KIF15: variants seen among roughly 807,000 people sequenced by gnomAD.
The protein encoded by KIF15 is kinesin-like protein KIF15.
Under a neutral mutation model 190.6 loss-of-function variants are expected in KIF15, and 140 were observed. The observed-to-expected ratio is 0.73, with a 90% CI of 0.64 to 0.84. The LOEUF is 0.84. KIF15 is among the 40% of genes least tolerant of loss of function. The pLI is 0.00. For missense variants in KIF15, 1,372 were observed against 1,584.4 expected (o/e 0.87, Z 2.28); for synonymous variants, 528 against 551.3 (o/e 0.96, Z 0.59).
chr3:44,843,728 G>A (rs1698718951), intron 30 of KIF15, among the ~76,000 whole-genome samples: 1 of 152,154 alleles, frequency 6.6e-6, no homozygotes, highest in African/African-American at 2.4e-5. Context: ...TTTTGTAGTT[G>A]CATTTGCCGA....
chr3:44,781,263 G>C (rs1445726431), intron 5 of KIF15, among the ~76,000 whole-genome samples: 2 of 152,162 alleles, frequency 1.3e-5, no homozygotes, highest in Non-Finnish European at 2.9e-5. Flanking sequence ...CCCCTGGAAT[G>C]CCAATTACTC....
intron 20 of KIF15, among the ~76,000 whole-genome samples, chr3:44,824,384 C>G (rs1697531049): frequency 6.6e-6 from 1 of 152,128 alleles, no homozygotes; most frequent in Non-Finnish European, 1.5e-5. Flanking sequence ...GCCTCCACCA[C>G]CCTGTCCCAT....
chr3:44,854,404 A>G (rs1575698053), downstream of KIF15, among the ~76,000 whole-genome samples: 1 of 152,290 alleles, frequency 6.6e-6, no homozygotes, highest in Non-Finnish European at 1.5e-5. Context: ...TATACATTCA[A>G]AATGGGTGAA....
At chr3:44,834,116 T>C (rs2125704256) in intron 26 of KIF15, among the ~76,000 whole-genome samples, 1 of 152,374 alleles carries the variant, frequency 6.6e-6, no homozygotes, top group East Asian at 1.9e-4. Flanking sequence ...TTTAGATTCA[T>C]ACATTTTAGA....
intron 2 of KIF15, 45 bp from the exon 3 acceptor site, chr3:44,775,209 C>A: frequency 5.4e-6 from 8 of 1,488,594 alleles, no homozygotes; most frequent in Non-Finnish European, 7.4e-6. Context: ...TTTCAGTTTT[C>A]TTCTTCAATA....
chr3:44,813,221 C>A, intron 19 of KIF15, 41 bp downstream of exon 19: 1 of 1,083,014 alleles, frequency 9.2e-7, no homozygotes, highest in Non-Finnish European at 1.4e-6. Flanking sequence ...TGAAGGAATA[C>A]TGTAACTCAA....
intron 6 of KIF15, among the ~76,000 whole-genome samples, chr3:44,858,724 G>T (rs1006264550): frequency 7.2e-5 from 11 of 152,242 alleles, no homozygotes; most frequent in Admixed American, 6.5e-4. Context: ...TGGCACCAGA[G>T]TTGGGGAGTT....
intron 16 of KIF15, among the ~76,000 whole-genome samples, chr3:44,810,343 C>T (rs1485423994): frequency 1.3e-5 from 2 of 152,074 alleles, no homozygotes; most frequent in Non-Finnish European, 2.9e-5. Flanking sequence ...CCTAGAACAC[C>T]TGGGCTCTGG....
At position 44,838,406 on chromosome 3, in the gene KIF15, G is replaced by A; in HGVS notation, c.3303G>A (p.Gln1101=). The A allele has an allele frequency of 6.2e-7, 1 of 1,612,944 alleles. No individual in the cohort carries two copies. The highest frequency in any genetic ancestry group is 8.5e-7 in the Non-Finnish European group (1 of 1,179,584). ...EELTKKEALI[Q]ELQHKLNQKK... is the part of the protein sequence containing the mutation. ...TGACCAAGAAGGAAGCCCTGATTCA[G>A]GAACTTCAGCACAAGGTGAGAAACA... The change falls in exon 27 of 35, where the codon CAG becomes CAA. Residue 1101 remains glutamine, a synonymous_variant. Coordinates refer to ENST00000326047, the MANE Select transcript of KIF15 (RefSeq NM_020242.3).
chr3:44,843,022 T>C (rs1698677035), intron 29 of KIF15, 103 bp from the exon 30 acceptor site: 1 of 761,084 alleles, frequency 1.3e-6, no homozygotes, highest in Non-Finnish European at 2.1e-6. Context: ...TGTCTCTGCA[T>C]AGGAACTTAA....
chr3:44,861,812 C>T, intron 6 of KIF15: 1 of 1,227,438 alleles, frequency 8.1e-7, no homozygotes, highest in Non-Finnish European at 1.1e-6. Flanking sequence ...TCCCAAGGGG[C>T]CTGCCGGAGC....
At chr3:44,865,902 A>G (rs2125740978) in intron 6 of KIF15, among the ~76,000 whole-genome samples, 1 of 152,236 alleles carries the variant, frequency 6.6e-6, no homozygotes, top group East Asian at 1.9e-4. Flanking sequence ...CAAGGAGAAA[A>G]GTTTGACCTC....
intron 20 of KIF15, among the ~76,000 whole-genome samples, chr3:44,820,073 G>GT (rs1330572127): frequency 4.0e-5 from 6 of 151,538 alleles, no homozygotes; most frequent in Non-Finnish European, 5.9e-5. Flanking sequence ...GCAATCGCTG[G>GT]TTTTTTTTGC....
chr3:44,854,542 C>T (rs554473505), downstream of KIF15, among the ~76,000 whole-genome samples: 2 of 152,226 alleles, frequency 1.3e-5, no homozygotes, highest in East Asian at 1.9e-4. Flanking sequence ...AGGTAGCGAG[C>T]AGACACTGCA....
At chr3:44,836,844 A>G (rs1434184894) in intron 26 of KIF15, among the ~76,000 whole-genome samples, 1 of 152,218 alleles carries the variant, frequency 6.6e-6, no homozygotes, top group Non-Finnish European at 1.5e-5. Flanking sequence ...GGGAGTTTAT[A>G]TAGCAAGAAA....
At chr3:44,810,724 G>T in intron 16 of KIF15, 122 bp from the exon 17 acceptor site, 1 of 783,166 alleles carries the variant, frequency 1.3e-6, no homozygotes, top group East Asian at 2.7e-5. Flanking sequence ...TGTGTCTCAA[G>T]GGTACTTTTT....
chr3:44,790,628 C>T (rs1575597191), intron 7 of KIF15, among the ~76,000 whole-genome samples: 1 of 151,766 alleles, frequency 6.6e-6, no homozygotes, highest in South Asian at 2.1e-4. Context: ...CTGATGTTCA[C>T]CTACCACTGA....
At chr3:44,776,273 A>T (rs375021792) in intron 3 of KIF15, among the ~76,000 whole-genome samples, 11 of 151,474 alleles carry the variant, frequency 7.3e-5, no homozygotes, top group African/African-American at 2.4e-4. Flanking sequence ...AGTGATAGGA[A>T]ATTATGGGCG....
intron 10 of KIF15, 76 bp downstream of exon 10, chr3:44,798,032 C>T (rs913193876): frequency 1.5e-5 from 19 of 1,290,540 alleles, no homozygotes; most frequent in Non-Finnish European, 1.7e-5. Context: ...TTTGTGATTG[C>T]CCTAATATTA....
Sources: gnomAD v4.1 joint callset for allele counts (sites outside exome capture counted in the v4.1 genomes callset) on GRCh38, gnomAD v4.1.1 for gene constraint, MANE v1.5 for transcripts, NCBI Gene and HGNC (gene_info 2026-07-23, HGNC 2026-07-21) for gene names.